The following HMGXB4 variants were observed in gnomAD, a reference collection of about 807,000 sequenced individuals.
The protein encoded by HMGXB4 is HMG domain-containing protein 4.
In HMGXB4, 27 loss-of-function variants were observed where a neutral mutation model predicts 63.9. The ratio of observed to expected loss-of-function variants is 0.42; its 90% CI spans 0.31 to 0.58. The LOEUF (loss-of-function observed/expected upper bound fraction) is 0.58. Ranked by LOEUF, HMGXB4 falls within the 20% of genes least tolerant of loss-of-function variation. The probability of loss-of-function intolerance (pLI) is 0.13; values close to 1 mark genes in which losing one functional copy is unlikely to be tolerated. For missense variants in HMGXB4, 624 were observed against 700.7 expected, an observed-to-expected ratio of 0.89 and a Z score of 1.24; for synonymous variants, 264 against 265.3, an observed-to-expected ratio of 0.99 and a Z score of 0.05.
chr22:35,255,565 A>C (rs921007790), upstream of HMGXB4, among the ~76,000 whole-genome samples: 19 of 152,208 alleles, frequency 1.2e-4, no homozygotes, highest in Admixed American at 1.0e-3. Context: ...AGCAGGAAAG[A>C]TGATGAAGCT....
At chr22:35,262,510 CACAGCCTGG>C in intron 2 of HMGXB4, 89 bp downstream of exon 2, 1 of 1,302,338 alleles carries the variant, frequency 7.7e-7, no homozygotes, top group East Asian at 2.3e-5. Context: ...GACTGGGCAC[CACAGCCTGG>C]ACTCCCAAGT....
chr22:35,265,164 A>G lies in HMGXB4; in HGVS notation c.776A>G (p.His259Arg), dbSNP rs1601626590. 6.8e-6 allele frequency: 11 copies of G among 1,614,158 alleles called. No individual in the cohort carries two copies. The East Asian group carries it at 2.0e-4, about 29-fold the overall frequency. ...RKKHKSSSDAHSSPGPEGCGS... is the reference protein window; with the variant it reads ...RKKHKSSSDARSSPGPEGCGS... ...AAGCACAAGTCATCCTCAGACGCAC[A>G]TTCATCTCCTGGCCCTGAAGGCTGT... The change falls in exon 5 of 11, where the codon CAT (histidine) becomes CGT (arginine). Residue 259 changes from histidine to arginine, a missense_variant. His to Arg is a conservative substitution (Grantham distance 29). Transcript: ENST00000216106.
intron 9 of HMGXB4, 72 bp downstream of exon 9, chr22:35,288,479 C>A: frequency 8.2e-7 from 1 of 1,220,224 alleles, no homozygotes; most frequent in Non-Finnish European, 1.1e-6. Context: ...TTCATTCACT[C>A]ATTTTACATA....
chr22:35,286,339 T>C (rs1924574566), intron 7 of HMGXB4, among the ~76,000 whole-genome samples: 1 of 152,190 alleles, frequency 6.6e-6, no homozygotes, highest in Non-Finnish European at 1.5e-5. Context: ...GTAATTAAAG[T>C]GTTAAAAGAA....
intron 1 of HMGXB4, among the ~76,000 whole-genome samples, chr22:35,260,169 T>G (rs1233864139): frequency 6.6e-6 from 1 of 152,222 alleles, no homozygotes; most frequent in Non-Finnish European, 1.5e-5. Context: ...ATTTTGTTGT[T>G]GACAAAACAC....
intron 5 of HMGXB4, among the ~76,000 whole-genome samples, chr22:35,281,952 G>C (rs1348403081): frequency 1.3e-5 from 2 of 151,920 alleles, no homozygotes; most frequent in African/African-American, 4.8e-5. Flanking sequence ...GCTTTTTATT[G>C]CCATCAGCCT....
chr22:35,256,578 C>CA (rs1004503550), upstream of HMGXB4, among the ~76,000 whole-genome samples: 2 of 152,304 alleles, frequency 1.3e-5, no homozygotes, highest in Admixed American at 6.5e-5. Context: ...CGGCTCACTG[C>CA]AATCTCCGCC....
chr22:35,265,439 G>T lies in HMGXB4; in HGVS notation c.1051G>T (p.Val351Leu), dbSNP rs528331783. The T allele has an allele frequency of 2.5e-6, 4 of 1,614,076 alleles. No individual in the cohort carries two copies. Among genetic ancestry groups the T allele is most frequent in the Middle Eastern group, 1.6e-4 (1 of 6,062 alleles). Reference sequence around the variant, plus strand: ...CAAGAGAAGTTTAGGACTTTCTGCCGTGCCAGTGGGAGAGGTCACAGTGAC... The same window carrying T: ...CAAGAGAAGTTTAGGACTTTCTGCCTTGCCAGTGGGAGAGGTCACAGTGAC... Reference protein sequence around the residue: ...KSKRSLGLSAVPVGEVTVTSG... With the variant: ...KSKRSLGLSALPVGEVTVTSG... The change falls in exon 5 of 11, where the codon GTG (valine) becomes TTG (leucine). Residue 351 changes from valine to leucine, a missense_variant. This residue lies in a region of HMGXB4 where 472 missense variants were observed against 470.6 expected (regional missense o/e 1.00). Coordinates refer to ENST00000216106, the MANE Select transcript of HMGXB4 (RefSeq NM_001003681.3).
chr22:35,281,363 C>G (rs939537939), intron 5 of HMGXB4, among the ~76,000 whole-genome samples: 3 of 152,180 alleles, frequency 2.0e-5, no homozygotes, highest in Non-Finnish European at 4.4e-5. Context: ...ACTTGCTCTA[C>G]CACCACCCAG....
chr22:35,253,177 G>C (rs1355211132), upstream of HMGXB4, among the ~76,000 whole-genome samples: 1 of 145,052 alleles, frequency 6.9e-6, no homozygotes, highest in Admixed American at 6.8e-5. Context: ...TGAAGTATAA[G>C]CTCATGTTAG....
intron 5 of HMGXB4, among the ~76,000 whole-genome samples, chr22:35,273,491 A>G (rs1923729903): frequency 6.6e-6 from 1 of 152,236 alleles, no homozygotes; most frequent in Admixed American, 6.5e-5. Context: ...TGCATGTAAC[A>G]TGCTTAGCAC....
At chr22:35,253,225 G>A (rs1017789611), upstream of HMGXB4, among the ~76,000 whole-genome samples, 2 of 151,978 alleles carry the variant, frequency 1.3e-5, no homozygotes, top group Admixed American at 6.6e-5. Flanking sequence ...GATGGACTTC[G>A]AAGTGGGGAA....
At position 35,265,492 on chromosome 22, in the gene HMGXB4, C is replaced by T. The variant is rs371525087; in HGVS notation, c.1104C>T (p.Tyr368=). ...CTGGCCCTCCTCCCAGCATCCCATACGCTGGAGCAGCAGCACCTCCCCTGC... is the reference window on the plus strand; with the variant it reads ...CTGGCCCTCCTCCCAGCATCCCATATGCTGGAGCAGCAGCACCTCCCCTGC... ...VTSGPPPSIP[Y]AGAAAPPLPL... The change falls in exon 5 of 11, where the codon TAC becomes TAT. Residue 368 remains tyrosine (Y), a synonymous_variant. Coordinates refer to ENST00000216106, the MANE Select transcript of HMGXB4 (RefSeq NM_001003681.3). 16 of 1,613,660 alleles carry T rather than the reference C, an allele frequency of 9.9e-6. No individual in the cohort carries two copies. Among genetic ancestry groups the T allele is most frequent in the African/African-American group, 9.4e-5 (7 of 74,792 alleles).
intron 8 of HMGXB4, among the ~76,000 whole-genome samples, chr22:35,287,784 A>G (rs983321879): frequency 5.3e-5 from 8 of 152,174 alleles, no homozygotes; most frequent in Non-Finnish European, 1.0e-4. Context: ...CCCCGTCTCT[A>G]CTGAAAATAC....
chr22:35,248,649 C>T, the HMGXB4 span, among the ~76,000 whole-genome samples: 2 of 152,104 alleles, frequency 1.3e-5, no homozygotes, highest in African/African-American at 4.8e-5. Context: ...AGGCAATCCA[C>T]CCACCTTGGC....
chr22:35,253,364 T>C (rs1397451718), upstream of HMGXB4, among the ~76,000 whole-genome samples: 1 of 152,140 alleles, frequency 6.6e-6, no homozygotes, highest in African/African-American at 2.4e-5. Flanking sequence ...TTGTTTTACA[T>C]TGCCCACAAA....
chr22:35,276,463 T>C (rs1923919729), intron 5 of HMGXB4, among the ~76,000 whole-genome samples: 1 of 152,188 alleles, frequency 6.6e-6, no homozygotes, highest in African/African-American at 2.4e-5. Context: ...GAGATTTATA[T>C]CTCCTGTCCC....
intron 1 of HMGXB4, among the ~76,000 whole-genome samples, chr22:35,259,607 T>A (rs1446191061): frequency 6.6e-6 from 1 of 152,222 alleles, no homozygotes; most frequent in Non-Finnish European, 1.5e-5. Flanking sequence ...TTGAGATTTA[T>A]CTGGTATCTT....
chr22:35,246,092 C>T, the HMGXB4 span, among the ~76,000 whole-genome samples: 2 of 152,104 alleles, frequency 1.3e-5, no homozygotes, highest in African/African-American at 2.4e-5. Context: ...TGCAAGGGGA[C>T]GAAAGCCCCA....
Sources: gnomAD v4.1 joint callset for allele counts (sites outside exome capture counted in the v4.1 genomes callset) on GRCh38, gnomAD v4.1.1 for gene constraint, gnomAD v4.1.1 regional missense constraint, MANE v1.5 for transcripts, NCBI Gene and HGNC (gene_info 2026-07-23, HGNC 2026-07-21) for gene names.